The following TM9SF3 variants were observed in gnomAD, a reference collection of about 807,000 sequenced individuals.
The protein encoded by TM9SF3 is SM-11044-binding protein.
In TM9SF3, 14 loss-of-function variants were observed where a neutral mutation model predicts 78.6. The ratio of observed to expected loss-of-function variants is 0.18; its 90% CI spans 0.12 to 0.28. TM9SF3 has a LOEUF of 0.28. Ranked by LOEUF, TM9SF3 falls within the 10% of genes least tolerant of loss-of-function variation. The probability of loss-of-function intolerance (pLI) is 1.00; values close to 1 mark genes in which losing one functional copy is unlikely to be tolerated. For missense variants in TM9SF3, 496 were observed against 721.9 expected (o/e 0.69, Z 3.59); for synonymous variants, 231 against 241.7 (o/e 0.96, Z 0.41).
intron 2 of TM9SF3, among the ~76,000 whole-genome samples, chr10:96,570,297 T>C (rs1848425332): frequency 6.6e-6 from 1 of 152,174 alleles, no homozygotes; most frequent in Non-Finnish European, 1.5e-5. Flanking sequence ...TAAAACAATG[T>C]GGATAAACAC....
chr10:96,578,624 A>G (rs1029404777), intron 1 of TM9SF3, among the ~76,000 whole-genome samples: 2 of 152,226 alleles, frequency 1.3e-5, no homozygotes, highest in African/African-American at 2.4e-5. Flanking sequence ...ACTGACAAAT[A>G]TATGTATGCC....
At chr10:96,523,331 CGAATCTTTTAGT>C (rs1847800958) in intron 14 of TM9SF3, among the ~76,000 whole-genome samples, 1 of 151,684 alleles carries the variant, frequency 6.6e-6, no homozygotes, top group Non-Finnish European at 1.5e-5. Context: ...CATCCTTGAA[CGAATCTTTTAGT>C]GAATCTTTTA....
intron 9 of TM9SF3, among the ~76,000 whole-genome samples, chr10:96,537,646 A>C (rs1426055666): frequency 6.6e-6 from 1 of 152,238 alleles, no homozygotes; most frequent in African/African-American, 2.4e-5. Context: ...AAGCCTGGCC[A>C]ACATGGTGAA....
At chr10:96,572,012 T>A (rs1008901003) in intron 2 of TM9SF3, among the ~76,000 whole-genome samples, 5 of 152,174 alleles carry the variant, frequency 3.3e-5, no homozygotes, top group African/African-American at 1.2e-4. Context: ...AAAAGCATAC[T>A]ATGTCTTAAC....
rs1299842334 is a variant in TM9SF3, at chr10:96,520,894, T to C, written c.*1369A>G. 3 of 397,172 alleles carry C rather than the reference T, an allele frequency of 7.6e-6. No homozygotes were observed. The highest frequency in any genetic ancestry group is 1.3e-5 in the Non-Finnish European group (3 of 224,790). The allele number at this position is 397,172 out of a possible 1,614,324, so 24.6% of individuals were successfully genotyped here. ...CCCTGTATGAGAGTAGCATAGTTTA[T>C]AGCATACTTTTAAAAATGGCATTCG... On this transcript the variant is annotated 3_prime_UTR_variant, in exon 15 of 15. Transcript: ENST00000371142.
intron 7 of TM9SF3, among the ~76,000 whole-genome samples, chr10:96,550,185 T>C (rs1469496419): frequency 6.6e-6 from 1 of 152,206 alleles, no homozygotes; most frequent in African/African-American, 2.4e-5. Flanking sequence ...AATAGCTTTG[T>C]TGGTTAATAC....
intron 5 of TM9SF3, among the ~76,000 whole-genome samples, chr10:96,554,495 T>C (rs765101914): frequency 6.6e-6 from 1 of 152,168 alleles, no homozygotes; most frequent in Non-Finnish European, 1.5e-5. Context: ...TTCCTGACAC[T>C]ACAGCATCCT....
At chr10:96,535,304 C>T (rs1280601585) in intron 9 of TM9SF3, among the ~76,000 whole-genome samples, 1 of 152,080 alleles carries the variant, frequency 6.6e-6, no homozygotes, top group African/African-American at 2.4e-5. Context: ...TTGAAAAATA[C>T]TCTAAGATTG....
chr10:96,584,371 T>C (rs1848606961), intron 1 of TM9SF3, among the ~76,000 whole-genome samples: 1 of 152,240 alleles, frequency 6.6e-6, no homozygotes, highest in Admixed American at 6.5e-5. Flanking sequence ...TGCCTAGTTT[T>C]TGAGAAATAT....
At position 96,586,948 on chromosome 10, in the gene TM9SF3, A is replaced by T; in HGVS notation, c.-113T>A. On this transcript the variant is annotated 5_prime_UTR_variant, in exon 1 of 15. Transcript: ENST00000371142. ...ATTCGCATCCACGGGGCGCGGACAG[A>T]CGCACGGGGCCCGGCCCAGCCGCTG... is the stretch of plus-strand genomic sequence containing the variant. 1.2e-6 allele frequency: 1 copy of T among 859,498 alleles called. No individual in the cohort carries two copies. The highest frequency in any genetic ancestry group is 5.1e-5 in the East Asian group (1 of 19,658). 53.2% of individuals were successfully genotyped at this position (859,498 alleles called of 1,614,324 possible).
chr10:96,550,043 T>C (rs1374519195), intron 7 of TM9SF3, among the ~76,000 whole-genome samples: 2 of 152,190 alleles, frequency 1.3e-5, no homozygotes, highest in Non-Finnish European at 2.9e-5. Flanking sequence ...CCAGCTTATC[T>C]GAAATACATT....
At chr10:96,553,423 C>T (rs369869639) in intron 5 of TM9SF3, among the ~76,000 whole-genome samples, 3 of 152,036 alleles carry the variant, frequency 2.0e-5, no homozygotes, top group African/African-American at 4.8e-5. Context: ...TATGTGACCG[C>T]GGTTTTCTCA....
At chr10:96,584,226 A>C (rs1848605692) in intron 1 of TM9SF3, among the ~76,000 whole-genome samples, 2 of 152,200 alleles carry the variant, frequency 1.3e-5, no homozygotes. Context: ...CAACTTCCCC[A>C]CACCAATGTC....
intron 1 of TM9SF3, among the ~76,000 whole-genome samples, chr10:96,578,221 A>G (rs147906524): frequency 1.3e-5 from 2 of 152,362 alleles, no homozygotes; most frequent in African/African-American, 2.4e-5. Context: ...CAGGTCATTA[A>G]GGAAATAACA....
chr10:96,520,280 A>C lies in TM9SF3; in HGVS notation c.*1983T>G, dbSNP rs1437270442. The C allele has an allele frequency of 6.6e-6, 1 of 151,910 alleles. No homozygotes were observed. The highest frequency in any genetic ancestry group is 2.4e-5 in the African/African-American group (1 of 41,434). 9.4% of individuals were successfully genotyped at this position (151,910 alleles called of 1,614,324 possible). The stretch of plus-strand genomic sequence containing the variant: ...GCAAGTAAGAAGGAAGAGAAAATGG[A>C]AGTACCAATAAATTATATTTAATAT... On this transcript the variant is annotated 3_prime_UTR_variant, in exon 15 of 15. Transcript: ENST00000371142.
At chr10:96,563,249 T>C (rs983638203) in intron 3 of TM9SF3, among the ~76,000 whole-genome samples, 1 of 152,182 alleles carries the variant, frequency 6.6e-6, no homozygotes, top group African/African-American at 2.4e-5. Flanking sequence ...GTAAATGTTT[T>C]ATTTTTTTGT....
At chr10:96,527,327 T>C (rs554724017) in intron 13 of TM9SF3, 38 bp from the exon 14 acceptor site, 11 of 1,597,462 alleles carry the variant, frequency 6.9e-6, no homozygotes, top group Non-Finnish European at 9.4e-6. Flanking sequence ...TATCCAGTTT[T>C]ACTTTCAACT....
chr10:96,570,411 CTG>C (rs1305986461), intron 2 of TM9SF3, among the ~76,000 whole-genome samples: 17 of 152,206 alleles, frequency 1.1e-4, no homozygotes, highest in African/African-American at 4.1e-4. Context: ...ACTTCTATCA[CTG>C]TTACAATCAG....
Position 96,518,584 on chromosome 10 carries a change from ATAACT to A in TM9SF3, c.*3674_*3678del, listed in dbSNP as rs1271471216. 2.6e-5 allele frequency: 4 copies of A among 152,190 alleles called. No individual in the cohort carries two copies. The highest frequency in any genetic ancestry group is 2.1e-4 in the South Asian group (1 of 4,832). The allele number at this position is 152,190 out of a possible 1,614,324, so 9.4% of individuals were successfully genotyped here. On this transcript the variant is annotated 3_prime_UTR_variant, in exon 15 of 15. Coordinates refer to ENST00000371142, the MANE Select transcript of TM9SF3 (RefSeq NM_020123.4). ...TATTTCCATTCCTAACAGTGGAATA[ATAACT>A]TAATTTTGTTTACTTTTGTCTTTGT...
Sources: allele counts gnomAD v4.1 joint callset (sites outside exome capture counted in the v4.1 genomes callset), GRCh38; gene constraint gnomAD v4.1.1; transcripts MANE v1.5; gene names NCBI Gene and HGNC (gene_info 2026-07-23, HGNC 2026-07-21).